Variants in DNAH7 observed in about 807,000 individuals in gnomAD.
DNAH7 encodes the protein dynein axonemal heavy chain 7, also known as axonemal beta dynein heavy chain 7.
Under a neutral mutation model 444.6 loss-of-function variants are expected in DNAH7, and 397 were observed. That is an observed-to-expected ratio of 0.89 (90% CI 0.82 to 0.97). The LOEUF (loss-of-function observed/expected upper bound fraction) is 0.97. Among genes scored for constraint, DNAH7 ranks in the 50% least tolerant of loss-of-function variants. The probability of loss-of-function intolerance (pLI) is 0.00; values close to 1 mark genes in which losing one functional copy is unlikely to be tolerated. For missense variants in DNAH7, 4,902 were observed against 4,800.8 expected (o/e 1.02, Z -0.62); for synonymous variants, 1,636 against 1,624.4 (o/e 1.01, Z -0.17).
intron 24 of DNAH7, among the ~76,000 whole-genome samples, chr2:195,921,071 G>T (rs924747713): frequency 1.3e-5 from 2 of 152,154 alleles, no homozygotes; most frequent in African/African-American, 4.8e-5. Flanking sequence ...ATAGATGTCA[G>T]TGTGGATGTA....
intron 19 of DNAH7, 50 bp downstream of exon 19, chr2:195,957,211 T>C (rs1690727268): frequency 7.2e-7 from 1 of 1,397,702 alleles, no homozygotes; most frequent in Non-Finnish European, 9.5e-7. Flanking sequence ...AAAACAAAAA[T>C]CATGTCACTT....
Position 195,806,824 on chromosome 2 carries a change from G to A in DNAH7, c.10092C>T (p.His3364=), listed in dbSNP as rs1331756464. The A allele has an allele frequency of 1.9e-6, 3 of 1,612,676 alleles. No homozygotes were observed. Among genetic ancestry groups the A allele is most frequent in the Non-Finnish European group, 2.5e-6 (3 of 1,179,188 alleles). The part of the protein sequence containing the change: ...WKKVYDSLEP[H]HEVFPEEWED... ...CCCATTCTTCAGGGAAAACCTCATG[G>A]TGTGGTTCCTAAAATTACAGTGTAA... Residue 3364 remains histidine (H), a synonymous_variant, in exon 54 of 65, where the codon CAC becomes CAT. Coordinates refer to ENST00000312428, the MANE Select transcript of DNAH7 (RefSeq NM_018897.3).
chr2:195,784,255 C>A (rs1210134757), intron 58 of DNAH7, among the ~76,000 whole-genome samples: 6 of 152,144 alleles, frequency 3.9e-5, no homozygotes, highest in African/African-American at 1.4e-4. Context: ...TCTACCTATT[C>A]ATTTTTTTTT....
intron 5 of DNAH7, among the ~76,000 whole-genome samples, chr2:196,042,441 T>C (rs537090335): frequency 1.9e-4 from 29 of 152,068 alleles, no homozygotes; most frequent in African/African-American, 6.7e-4. Flanking sequence ...TGGGAGATAA[T>C]ATTTGCAAAA....
In DNAH7 at chr2:195,857,429, T is replaced by C. The variant is rs1479354989; in HGVS notation, c.8362A>G (p.Thr2788Ala). ...CATTTGCACAGACCTTCGGCCGCTG[T>C]AGAAGCATTTCTGATTTTTTCTGGT... Reference protein sequence around the residue: ...FVPEKIRNASTAAEGLCKWVI... With the variant: ...FVPEKIRNASAAAEGLCKWVI... Residue 2788 changes from threonine to alanine, a missense_variant, in exon 44 of 65, where the codon ACA becomes GCA. Thr to Ala is a moderately conservative substitution (Grantham distance 58). Coordinates refer to ENST00000312428, the MANE Select transcript of DNAH7 (RefSeq NM_018897.3). 5 of 1,612,164 alleles carry C rather than the reference T, an allele frequency of 3.1e-6. No individual in the cohort carries two copies. Among genetic ancestry groups the C allele is most frequent in the Non-Finnish European group, 4.2e-6 (5 of 1,179,452 alleles).
intron 5 of DNAH7, among the ~76,000 whole-genome samples, chr2:196,035,194 A>G (rs915078938): frequency 5.9e-5 from 9 of 152,202 alleles, no homozygotes; most frequent in South Asian, 4.1e-4. Context: ...AAAAAAACCT[A>G]TAAGACTTCC....
intron 51 of DNAH7, among the ~76,000 whole-genome samples, chr2:195,812,612 TC>T (rs1697021195): frequency 6.6e-6 from 1 of 152,198 alleles, no homozygotes; most frequent in African/African-American, 2.4e-5. Context: ...ACCATACTAG[TC>T]GTAACATAAT....
chr2:195,919,066 T>A (rs1687861008), intron 24 of DNAH7, among the ~76,000 whole-genome samples: 1 of 151,824 alleles, frequency 6.6e-6, no homozygotes, highest in Non-Finnish European at 1.5e-5. Context: ...CTGGCCAACA[T>A]GGTGAAACTC....
chr2:195,891,849 T>C (rs1314331191), intron 30 of DNAH7, 45 bp from the exon 31 acceptor site: 2 of 1,427,288 alleles, frequency 1.4e-6, no homozygotes, highest in Admixed American at 2.4e-5. Context: ...GAATACTGTC[T>C]TTATTCATAG....
intron 11 of DNAH7, 129 bp downstream of exon 11, chr2:196,001,546 A>T: frequency 1.2e-6 from 1 of 862,114 alleles, no homozygotes; most frequent in Non-Finnish European, 1.6e-6. Flanking sequence ...TTTTTCTTTT[A>T]AGATAAGTGT....
chr2:195,917,932 G>C (rs1320086190), intron 24 of DNAH7, among the ~76,000 whole-genome samples: 1 of 152,158 alleles, frequency 6.6e-6, no homozygotes, highest in Non-Finnish European at 1.5e-5. Context: ...GCCTCCCAAA[G>C]TGCTGGAATT....
At chr2:195,807,760 T>C (rs1696780850) in intron 53 of DNAH7, among the ~76,000 whole-genome samples, 1 of 152,162 alleles carries the variant, frequency 6.6e-6, no homozygotes, top group African/African-American at 2.4e-5. Context: ...GTATCTCAAA[T>C]TAGAAATCTT....
chr2:195,747,393 T>G (rs978467511), intron 63 of DNAH7, among the ~76,000 whole-genome samples: 30 of 152,294 alleles, frequency 2.0e-4, no homozygotes, highest in African/African-American at 5.3e-4. Flanking sequence ...ATTCACAGCC[T>G]AATTCTACCA....
At chr2:195,773,033 G>C (rs1407228177) in intron 60 of DNAH7, among the ~76,000 whole-genome samples, 1 of 151,910 alleles carries the variant, frequency 6.6e-6, no homozygotes, top group Non-Finnish European at 1.5e-5. Context: ...CGCCTGCCTC[G>C]GCCTCCCAAA....
At chr2:196,003,213 A>T (rs1023106314) in intron 10 of DNAH7, among the ~76,000 whole-genome samples, 7 of 151,844 alleles carry the variant, frequency 4.6e-5, no homozygotes, top group African/African-American at 1.7e-4. Context: ...TGAGAGAAAG[A>T]TTCAAAGTGG....
At chr2:195,791,795 T>C (rs1304719016) in intron 57 of DNAH7, among the ~76,000 whole-genome samples, 1 of 152,176 alleles carries the variant, frequency 6.6e-6, no homozygotes, top group African/African-American at 2.4e-5. Flanking sequence ...AGACAGTTAA[T>C]GCAGGAGCAG....
Position 195,808,857 on chromosome 2 carries a change from C to G in DNAH7, c.9908G>C (p.Arg3303Thr). Residue 3303 changes from arginine to threonine, a missense_variant, in exon 53 of 65, where the codon AGA becomes ACA. Coordinates refer to ENST00000312428, the MANE Select transcript of DNAH7 (RefSeq NM_018897.3). ...TCCAATGCCACCAGTTAGCAGAAATCTCCACTCAGCTTTATTAATCTTTGG... is the reference window on the plus strand; with the variant it reads ...TCCAATGCCACCAGTTAGCAGAAATGTCCACTCAGCTTTATTAATCTTTGG... ...HERAINKAEW[R>T]FLLTGGIGLD... 2 of 1,613,258 alleles carry G rather than the reference C, an allele frequency of 1.2e-6. No individual in the cohort carries two copies. Among genetic ancestry groups the G allele is most frequent in the Non-Finnish European group, 1.7e-6 (2 of 1,179,708 alleles).
chr2:195,768,759 T>C (rs1694705105), intron 61 of DNAH7, among the ~76,000 whole-genome samples: 1 of 152,206 alleles, frequency 6.6e-6, no homozygotes, highest in Non-Finnish European at 1.5e-5. Flanking sequence ...TGCAATTCTT[T>C]GACATTTTTA....
Position 195,811,116 on chromosome 2 carries a change from A to C in DNAH7, c.9762-1245T>G, listed in dbSNP as rs1268980222. Among the ~76,000 whole-genome samples the C allele has an allele frequency of 2.0e-5, 3 of 152,366 alleles. No homozygotes were observed. In the East Asian group the frequency reaches 5.8e-4, roughly 29 times the overall value. ...CTTTTAAGGTGAAAAAGAAGATTAAAATTATCATTCTCAATGCTGGTGAGT... is the reference window on the plus strand; with the variant it reads ...CTTTTAAGGTGAAAAAGAAGATTAACATTATCATTCTCAATGCTGGTGAGT... On this transcript the variant is annotated intron_variant, in intron 51 of 64. Coordinates refer to ENST00000312428, the MANE Select transcript of DNAH7 (RefSeq NM_018897.3).
Sources: gnomAD v4.1 joint callset for allele counts (sites outside exome capture counted in the v4.1 genomes callset) on GRCh38, gnomAD v4.1.1 for gene constraint, MANE v1.5 for transcripts, NCBI Gene and HGNC (gene_info 2026-07-23, HGNC 2026-07-21) for gene names.